TUT4: variants seen among roughly 807,000 people sequenced by gnomAD.
The protein encoded by TUT4 is terminal uridylyltransferase 4.
In TUT4, 36 loss-of-function variants were observed where a neutral mutation model predicts 192.2. That is an observed-to-expected ratio of 0.19 (90% CI 0.14 to 0.25). TUT4 has a LOEUF of 0.25. Among genes scored for constraint, TUT4 ranks in the 10% least tolerant of loss-of-function variants. The probability of loss-of-function intolerance (pLI) is 1.00; values close to 1 mark genes in which losing one functional copy is unlikely to be tolerated. For missense variants in TUT4, 1,493 were observed against 1,957.2 expected (o/e 0.76, Z 4.47); for synonymous variants, 618 against 666.0 (o/e 0.93, Z 1.11).
chr1:52,432,099 C>G (rs1652276922), intron 27 of TUT4: 1 of 152,166 alleles, frequency 6.6e-6, no homozygotes, highest in South Asian at 2.1e-4. Flanking sequence ...ACTTTCCAAC[C>G]ACAATCTGTT....
At chr1:52,519,105 A>G (rs931312881) in intron 2 of TUT4, among the ~76,000 whole-genome samples, 33 of 152,260 alleles carry the variant, frequency 2.2e-4, no homozygotes, top group African/African-American at 7.5e-4. Flanking sequence ...AGAATAATCA[A>G]AAGATGGAAA....
chr1:52,531,885 C>CTTTTTTTTT (rs1158088077), intron 1 of TUT4, among the ~76,000 whole-genome samples: 2 of 80,806 alleles, frequency 2.5e-5, no homozygotes, highest in African/African-American at 5.8e-5. Flanking sequence ...CTTTTCTCAT[C>CTTTTTTTTT]TTTTTTTTTT....
intron 4 of TUT4, among the ~76,000 whole-genome samples, chr1:52,505,641 C>T (rs1675331225): frequency 1.3e-5 from 2 of 151,890 alleles, no homozygotes; most frequent in Admixed American, 6.6e-5. Context: ...AGGCTGGTCT[C>T]GAATTCCCAA....
At chr1:52,473,695 T>A (rs1361718771) in intron 13 of TUT4, among the ~76,000 whole-genome samples, 1 of 152,108 alleles carries the variant, frequency 6.6e-6, no homozygotes, top group Non-Finnish European at 1.5e-5. Flanking sequence ...TAGATGACTT[T>A]CCTTTTGTTT....
intron 1 of TUT4, among the ~76,000 whole-genome samples, chr1:52,543,751 T>C (rs951269077): frequency 2.0e-5 from 3 of 151,984 alleles, no homozygotes; most frequent in Admixed American, 1.3e-4. Context: ...CCTAAAGTGC[T>C]GGGATTACAG....
At position 52,525,883 on chromosome 1, in the gene TUT4, T is replaced by A. The variant is rs761839251; in HGVS notation, c.398A>T (p.Lys133Met). The change falls in exon 2 of 30, where the codon AAG becomes ATG. Residue 133 changes from lysine to methionine, a missense_variant. This residue lies in a region of TUT4 where 260 missense variants were observed against 247.8 expected (regional missense o/e 1.05). Coordinates refer to ENST00000257177, the MANE Select transcript of TUT4 (RefSeq NM_001009881.3). ...TTCTGCTTTCACTGAATTAGGTGACTTTGGTGATTTTTCTGCTTTTGCCTG... is the reference window on the plus strand; with the variant it reads ...TTCTGCTTTCACTGAATTAGGTGACATTGGTGATTTTTCTGCTTTTGCCTG... ...SLQAKAEKSP[K>M]SPNSVKAEKA... The A allele has an allele frequency of 6.2e-7, 1 of 1,614,104 alleles. No individual in the cohort carries two copies. The highest frequency in any genetic ancestry group is 1.1e-5 in the South Asian group (1 of 91,084).
rs556682070 is a variant in TUT4 at position 52,425,458 on chromosome 1, C to T, written c.4761G>A (p.Pro1587=). The change falls in exon 29 of 30, where the codon CCG becomes CCA. Residue 1587 remains proline, a synonymous_variant. Coordinates refer to ENST00000257177, the MANE Select transcript of TUT4 (RefSeq NM_001009881.3). ...CTGGGACAAGGGGGAAATGGGGACG[C>T]GGTGCATGTTCCCAAGGAATTGGAG... ...LTPPIPWEHA[P]RPHFPLVPAS... 1.7e-5 allele frequency: 28 copies of T among 1,613,952 alleles called. No individual in the cohort carries two copies. The highest frequency in any genetic ancestry group is 6.7e-5 in the Admixed American group (4 of 59,986).
At chr1:52,547,563 A>C (rs1688399361) in intron 1 of TUT4, among the ~76,000 whole-genome samples, 1 of 152,226 alleles carries the variant, frequency 6.6e-6, no homozygotes. Flanking sequence ...ATCCACACAA[A>C]AACGTTTAAC....
intron 6 of TUT4, among the ~76,000 whole-genome samples, chr1:52,494,998 A>G (rs76660251): frequency 2.9e-4 from 44 of 152,272 alleles, no homozygotes; most frequent in African/African-American, 1.0e-3. Flanking sequence ...GACACCTGAC[A>G]TATATTAATA....
At chr1:52,498,442 C>T (rs1673044689) in intron 4 of TUT4, among the ~76,000 whole-genome samples, 1 of 151,866 alleles carries the variant, frequency 6.6e-6, no homozygotes, top group African/African-American at 2.4e-5. Flanking sequence ...GATGGGGTTT[C>T]ACCGTGTTAG....
chr1:52,472,816 A>G (rs1003874697), intron 13 of TUT4, among the ~76,000 whole-genome samples: 2 of 152,066 alleles, frequency 1.3e-5, no homozygotes, highest in Admixed American at 6.5e-5. Context: ...CATATGTTTA[A>G]AAAACACCAA....
At chr1:52,544,477 G>A (rs1558027885) in intron 1 of TUT4, among the ~76,000 whole-genome samples, 1 of 152,110 alleles carries the variant, frequency 6.6e-6, no homozygotes, top group Non-Finnish European at 1.5e-5. Context: ...GGGAAAACTG[G>A]TAATCCATCT....
chr1:52,459,892 GA>G (rs1557717174), intron 19 of TUT4, among the ~76,000 whole-genome samples: 2 of 150,788 alleles, frequency 1.3e-5, no homozygotes, highest in Admixed American at 6.6e-5. Flanking sequence ...AAAAAAACAT[GA>G]AATTAAAATA....
chr1:52,447,206 T>C (rs753979246), intron 20 of TUT4, among the ~76,000 whole-genome samples: 1 of 151,980 alleles, frequency 6.6e-6, no homozygotes, highest in Non-Finnish European at 1.5e-5. Flanking sequence ...TCCCAGCACT[T>C]TGGGAGGCCG....
At chr1:52,462,097 G>A (rs1414382880) in intron 16 of TUT4, 2 of 195,488 alleles carry the variant, frequency 1.0e-5, no homozygotes, top group African/African-American at 2.4e-5. Context: ...TAAACAACTA[G>A]AGGTGAGTTT....
chr1:52,426,144 T>C (rs1377745119), intron 28 of TUT4, among the ~76,000 whole-genome samples: 2 of 152,188 alleles, frequency 1.3e-5, no homozygotes, highest in Non-Finnish European at 1.5e-5. Context: ...TATTACAAGC[T>C]TGAGGCATTG....
At chr1:52,517,537 G>T (rs1025809944) in intron 2 of TUT4, among the ~76,000 whole-genome samples, 1 of 152,156 alleles carries the variant, frequency 6.6e-6, no homozygotes, top group African/African-American at 2.4e-5. Flanking sequence ...CAAAGAAATG[G>T]TATGCCTCTG....
At chr1:52,473,807 T>C (rs10493167) in intron 13 of TUT4, among the ~76,000 whole-genome samples, 1,589 of 152,332 alleles carry the variant, frequency 0.01, 27 homozygotes, top group African/African-American at 0.036. Context: ...CTTGAAGTAC[T>C]GTGATTCGGT....
chr1:52,461,862 T>G (rs1333345409), intron 16 of TUT4, 93 bp from the exon 17 acceptor site: 1 of 760,002 alleles, frequency 1.3e-6, no homozygotes, highest in Non-Finnish European at 2.1e-6. Context: ...ATTTACAATT[T>G]CCAGCCATAA....
Sources: allele counts gnomAD v4.1 joint callset (sites outside exome capture counted in the v4.1 genomes callset), GRCh38; gene constraint gnomAD v4.1.1; regional missense constraint gnomAD v4.1.1; transcripts MANE v1.5; gene names NCBI Gene and HGNC (gene_info 2026-07-23, HGNC 2026-07-21).